FAM221B: variants seen among roughly 807,000 people sequenced by gnomAD.
FAM221B encodes protein FAM221B.
In FAM221B, 35 loss-of-function variants were observed where a neutral mutation model predicts 39.8. The observed-to-expected ratio is 0.88, with a 90% CI of 0.67 to 1.17. The LOEUF is 1.17. FAM221B is among the 50% of genes most tolerant of loss of function. The pLI, the probability that FAM221B is intolerant of heterozygous loss-of-function variation, is 0.00. For missense variants in FAM221B, 479 were observed against 503.1 expected (o/e 0.95, Z 0.46); for synonymous variants, 158 against 178.1 (o/e 0.89, Z 0.90).
At position 35,821,019 on chromosome 9, in the gene FAM221B, A is replaced by G. The variant is rs577414184; in HGVS notation, c.743-1019T>C. Reference sequence around the variant, plus strand: ...GCCAGGTGTAGGATTCTTAGTCCCAATTAAAGGCTCAACTGAAATGTCACC... The same window carrying G: ...GCCAGGTGTAGGATTCTTAGTCCCAGTTAAAGGCTCAACTGAAATGTCACC... On this transcript the variant is annotated intron_variant, in intron 3 of 6. Transcript: ENST00000423537. Among the ~76,000 whole-genome samples the G allele has an allele frequency of 1.4e-3, 219 of 152,310 alleles. 3 individuals carry two copies. Among genetic ancestry groups the G allele is most frequent in the African/African-American group, 5.1e-3 (213 of 41,562 alleles).
chr9:35,818,551 C>G, intron 6 of FAM221B, 45 bp from the exon 7 acceptor site: 1 of 1,538,792 alleles, frequency 6.5e-7, no homozygotes, highest in Non-Finnish European at 8.8e-7. Context: ...GTATGGGGGT[C>G]AGAAGGGAGG....
chr9:35,822,703 G>A (rs997522420), intron 3 of FAM221B, among the ~76,000 whole-genome samples: 4 of 152,104 alleles, frequency 2.6e-5, no homozygotes, highest in East Asian at 3.9e-4. Flanking sequence ...CGCTGCGCTC[G>A]GCCTGTTAGC....
In FAM221B at chr9:35,819,393, G is replaced by A. The variant is rs369448055; in HGVS notation, c.855C>T (p.Asp285=). 23 of 1,551,110 alleles carry A rather than the reference G, an allele frequency of 1.5e-5. No individual in the cohort carries two copies. The South Asian group carries it at 2.6e-4, about 18-fold the overall frequency. The change falls in exon 5 of 7, where the codon GAC becomes GAT. Residue 285 remains aspartate (D), a splice_region_variant and synonymous_variant. Transcript: ENST00000423537. ...HLLREHRIIS[D]ISVPCKVSQC... is the part of the protein sequence containing the mutation. The stretch of plus-strand genomic sequence containing the variant: ...GGCTTACCTTGCAGGGCACCGATAT[G>A]TCTGTGGGATTGGGGATGGATGGTA...
Position 35,818,473 on chromosome 9 carries a change from A to G in FAM221B, c.1205T>C (p.Leu402Ser). 1 of 1,551,732 alleles carries G rather than the reference A, an allele frequency of 6.4e-7. No individual in the cohort carries two copies. Among genetic ancestry groups the G allele is most frequent in the Non-Finnish European group, 8.7e-7 (1 of 1,146,982 alleles). ...TDTVSNWHRP[L>S] ...TATTGCTGATCTGGGCCAGACTCAC[A>G]AAGGCCTGTGCCAGTTGCTGACAGT... Residue 402 changes from leucine to serine, a missense_variant, in exon 7 of 7, where the codon TTG becomes TCG. Transcript: ENST00000423537.
chr9:35,817,582 C>A lies in FAM221B; in HGVS notation c.*887G>T, dbSNP rs13292880. ...AACTAGGTTCTCACTTCCAACTGTG[C>A]CCGAATCCTGAACTACCCACTGATG... On this transcript the variant is annotated 3_prime_UTR_variant, in exon 7 of 7. Coordinates refer to ENST00000423537, the MANE Select transcript of FAM221B (RefSeq NM_001012446.4). The A allele has an allele frequency of 0.38, 57,646 of 152,034 alleles. 11,113 individuals carry two copies. The highest frequency in any genetic ancestry group is 0.53 in the Middle Eastern group (157 of 294). 9.4% of individuals were successfully genotyped at this position (152,034 alleles called of 1,614,324 possible).
intron 3 of FAM221B, chr9:35,821,482 G>A (rs766097797): frequency 3.2e-5 from 44 of 1,367,776 alleles, no homozygotes; most frequent in Non-Finnish European, 4.1e-5. Flanking sequence ...GTGGCTTTTG[G>A]CTTTGCTTCT....
Position 35,828,524 on chromosome 9 carries a change from G to T in FAM221B, c.-62C>A. On this transcript the variant is annotated 5_prime_UTR_variant, in exon 1 of 7. It adds an upstream start codon to the 5' untranslated region. Transcript: ENST00000423537. This position sits in a 1 kb window ranked among gnomAD's most constrained non-coding sequence, Gnocchi z 4.5. ...GTCAAGACCTTGACTTAGGATGGCA[G>T]GGGGAGGTGTTGATCCTCAGGGAGG... The T allele has an allele frequency of 1.0e-6, 1 of 985,494 alleles. No homozygotes were observed. The highest frequency in any genetic ancestry group is 1.2e-6 in the Non-Finnish European group (1 of 829,962). The allele number at this position is 985,494 out of a possible 1,614,324, so 61.0% of individuals were successfully genotyped here.
chr9:35,822,379 GCTTTT>G (rs1253581514), intron 3 of FAM221B, among the ~76,000 whole-genome samples: 1 of 152,014 alleles, frequency 6.6e-6, no homozygotes, highest in Non-Finnish European at 1.5e-5. Flanking sequence ...CACTTTGTTA[GCTTTT>G]CTTTTCTTTT....
intron 3 of FAM221B, among the ~76,000 whole-genome samples, chr9:35,824,338 T>G (rs1431666028): frequency 5.9e-5 from 9 of 152,202 alleles, no homozygotes; most frequent in Non-Finnish European, 1.5e-5. Flanking sequence ...TAGGATGGCA[T>G]GTTTTTGCAA....
In FAM221B at chr9:35,818,312, A is replaced by G; in HGVS notation, c.*157T>C. 4.4e-6 allele frequency: 3 copies of G among 682,192 alleles called. No individual in the cohort carries two copies. In the East Asian group the frequency reaches 8.2e-5, roughly 19 times the overall value. The allele number at this position is 682,192 out of a possible 1,614,324, so 42.3% of individuals were successfully genotyped here. A position where few individuals can be genotyped will look rare whatever the true frequency, so the allele number is the denominator to read the frequency against. ...AACAGGCAGCTTGAATGTGAGTGTG[A>G]TGGAGGCAGATGGCCAGATCCAGGC... On this transcript the variant is annotated 3_prime_UTR_variant, in exon 7 of 7. Coordinates refer to ENST00000423537, the MANE Select transcript of FAM221B (RefSeq NM_001012446.4).
intron 3 of FAM221B, among the ~76,000 whole-genome samples, chr9:35,821,072 C>T (rs1234835407): frequency 6.6e-6 from 1 of 152,192 alleles, no homozygotes; most frequent in African/African-American, 2.4e-5. Flanking sequence ...CCTGACTTCC[C>T]CTGTCTGTCT....
At chr9:35,823,464 G>A (rs1829197157) in intron 3 of FAM221B, among the ~76,000 whole-genome samples, 2 of 152,160 alleles carry the variant, frequency 1.3e-5, no homozygotes, top group South Asian at 4.1e-4. Flanking sequence ...TACTGTTATG[G>A]ACTACCCAGG....
rs965035357 is a variant in FAM221B, at chr9:35,817,468, C to T, written c.*1001G>A. The T allele has an allele frequency of 6.6e-6, 1 of 152,268 alleles. No homozygotes were observed. The highest frequency in any genetic ancestry group is 2.4e-5 in the African/African-American group (1 of 41,428). The allele number at this position is 152,268 out of a possible 1,614,324, so 9.4% of individuals were successfully genotyped here. On this transcript the variant is annotated 3_prime_UTR_variant, in exon 7 of 7. Coordinates refer to ENST00000423537, the MANE Select transcript of FAM221B (RefSeq NM_001012446.4). ...GTGCTGTATGCTCCCTTCACATCCTCATGCCTTCTTTTGCTTAGTTTTCCT... is the reference window on the plus strand; with the variant it reads ...GTGCTGTATGCTCCCTTCACATCCTTATGCCTTCTTTTGCTTAGTTTTCCT...
intron 3 of FAM221B, chr9:35,821,759 CTG>C (rs1829156982): frequency 4.4e-6 from 2 of 456,622 alleles, no homozygotes; most frequent in Non-Finnish European, 7.7e-6. Context: ...ATGAAGAAGA[CTG>C]GAGTTTGAAC....
rs190994602 is a variant in FAM221B at position 35,825,024 on chromosome 9, A to C, written c.742+206T>G. ...AATTTTAGTTCAGCTACCTGTCTCT[A>C]CCTGGGCTTTATATGAATCTCCCCA... On this transcript the variant is annotated intron_variant, in intron 3 of 6. Coordinates refer to ENST00000423537, the MANE Select transcript of FAM221B (RefSeq NM_001012446.4). The surrounding 1 kb of genome is among the most constrained non-coding windows in gnomAD (Gnocchi z 4.2). Among the ~76,000 whole-genome samples, 98 of 152,266 alleles carry C rather than the reference A, an allele frequency of 6.4e-4. No individual in the cohort carries two copies. Among genetic ancestry groups the C allele is most frequent in the Admixed American group, 2.3e-3 (35 of 15,298 alleles).
chr9:35,821,670 CA>C, intron 3 of FAM221B: 1 of 1,343,880 alleles, frequency 7.4e-7, no homozygotes, highest in South Asian at 1.1e-5. Context: ...AGGTGAGGCC[CA>C]AAGATCAAGG....
chr9:35,825,994 G>A lies in FAM221B; in HGVS notation c.168C>T (p.Ser56=), dbSNP rs1326461421. Reference sequence around the variant, plus strand: ...TCTGGGAAGGGGATGGCACCAAAGGGGATTCAGAGGTATGGGGCTCTAACG... The same window carrying A: ...TCTGGGAAGGGGATGGCACCAAAGGAGATTCAGAGGTATGGGGCTCTAACG... ...ETPLEPHTSE[S]PLVPSPSQIP... is the part of the protein sequence containing the mutation. The change falls in exon 2 of 7, where the codon TCC becomes TCT. Residue 56 remains serine (S), a synonymous_variant. Coordinates refer to ENST00000423537, the MANE Select transcript of FAM221B (RefSeq NM_001012446.4). The surrounding 1 kb of genome is among the most constrained non-coding windows in gnomAD (Gnocchi z 4.2). 4 of 1,614,112 alleles carry A rather than the reference G, an allele frequency of 2.5e-6. No homozygotes were observed. The highest frequency in any genetic ancestry group is 3.4e-6 in the Non-Finnish European group (4 of 1,180,002).
chr9:35,819,749 C>G (rs1241959887), intron 4 of FAM221B, 141 bp downstream of exon 4: 2 of 636,138 alleles, frequency 3.1e-6, no homozygotes, highest in Non-Finnish European at 5.7e-6. Flanking sequence ...CTTTGATCCA[C>G]CCGCCTCCGC....
intron 3 of FAM221B, among the ~76,000 whole-genome samples, chr9:35,824,970 C>T (rs566619235): frequency 5.3e-5 from 8 of 152,244 alleles, no homozygotes; most frequent in Admixed American, 3.9e-4. Context: ...CGTGAGCCAC[C>T]GCGCCCAGCC....
Sources: gnomAD v4.1 joint callset for allele counts (sites outside exome capture counted in the v4.1 genomes callset) on GRCh38, gnomAD v4.1.1 for gene constraint, Gnocchi (gnomAD v3.1) non-coding constraint, MANE v1.5 for transcripts, NCBI Gene and HGNC (gene_info 2026-07-23, HGNC 2026-07-21) for gene names.